The following ANKAR variants were observed in gnomAD, a reference collection of about 807,000 sequenced individuals.
ANKAR encodes ankyrin and armadillo repeat containing, also known as ankyrin and armadillo repeat-containing protein.
In ANKAR, 136 loss-of-function variants were observed where a neutral mutation model predicts 146.2. The observed-to-expected ratio is 0.93, with a 90% CI of 0.81 to 1.07. The LOEUF (loss-of-function observed/expected upper bound fraction) is 1.07. ANKAR is among the 50% of genes least tolerant of loss of function. ANKAR has a pLI of 0.00. For missense variants in ANKAR, 1,567 were observed against 1,679.9 expected, an observed-to-expected ratio of 0.93 and a Z score of 1.18; for synonymous variants, 500 against 575.8, an observed-to-expected ratio of 0.87 and a Z score of 1.88.
chr2:189,689,512 T>G lies in ANKAR; in HGVS notation c.602-15T>G. The stretch of plus-strand genomic sequence containing the variant: ...AAATTTTCACTATCTAAAATTTTCC[T>G]TTTTTATCATGAAGGTTTGACTGAT... On this transcript the variant is annotated splice_polypyrimidine_tract_variant and intron_variant, in intron 2 of 22. Transcript: ENST00000684021. The G allele has an allele frequency of 6.5e-7, 1 of 1,534,984 alleles. No homozygotes were observed.
intron 5 of ANKAR, among the ~76,000 whole-genome samples, chr2:189,694,502 GC>G (rs2036906154): frequency 6.6e-6 from 1 of 152,162 alleles, no homozygotes; most frequent in Admixed American, 6.5e-5. Context: ...GCTGTTTCAA[GC>G]CCCACCTATG....
At position 189,676,667 on chromosome 2, in the gene ANKAR, G is replaced by A. The variant is rs745780951; in HGVS notation, c.177G>A (p.Glu59=). The A allele has an allele frequency of 6.2e-7, 1 of 1,614,144 alleles. No homozygotes were observed. Among genetic ancestry groups the A allele is most frequent in the South Asian group, 1.1e-5 (1 of 91,082 alleles). Residue 59 remains glutamate (E), a synonymous_variant, in exon 2 of 23, where the codon GAG becomes GAA. Coordinates refer to ENST00000684021, the MANE Select transcript of ANKAR (RefSeq NM_001378068.1). The part of the protein sequence containing the change: ...TALVSWLSAK[E]DVRSQVDLPC... ...TAGTTAGCTGGTTGTCTGCCAAAGAGGATGTGCGCTCTCAAGTAGACCTCC... is the reference window on the plus strand; with the variant it reads ...TAGTTAGCTGGTTGTCTGCCAAAGAAGATGTGCGCTCTCAAGTAGACCTCC...
At chr2:189,741,166 CTG>C (rs1452164144) in intron 19 of ANKAR, among the ~76,000 whole-genome samples, 174 bp from the exon 20 acceptor site, 1 of 152,160 alleles carries the variant, frequency 6.6e-6, no homozygotes, top group African/African-American at 2.4e-5. Flanking sequence ...GAAAACCAAA[CTG>C]TAATTTTGGG....
chr2:189,741,215 C>T lies in ANKAR; in HGVS notation c.3701-127C>T, dbSNP rs1362306272. The T allele has an allele frequency of 9.6e-6, 5 of 520,980 alleles. No homozygotes were observed. In the Admixed American group the frequency reaches 1.5e-4, roughly 16 times the overall value. 32.3% of individuals were successfully genotyped at this position (520,980 alleles called of 1,614,324 possible). On this transcript the variant is annotated intron_variant, in intron 19 of 22. Transcript: ENST00000684021. ...ATATTTACATATGCATGCTTTTTCT[C>T]AGTGCTGCTTCATTGACAGAGATGT...
intron 3 of ANKAR, among the ~76,000 whole-genome samples, chr2:189,691,943 G>A (rs2036479035): frequency 6.6e-6 from 1 of 151,926 alleles, no homozygotes; most frequent in Non-Finnish European, 1.5e-5. Flanking sequence ...TGTGTTTTTA[G>A]TAGAGACGGG....
intron 16 of ANKAR, among the ~76,000 whole-genome samples, chr2:189,731,756 A>G (rs981986248): frequency 2.6e-5 from 4 of 152,074 alleles, no homozygotes; most frequent in Admixed American, 2.6e-4. Flanking sequence ...GCTAGAGTGC[A>G]GTAGTGCAAT....
intron 9 of ANKAR, 62 bp downstream of exon 9, chr2:189,707,208 C>A (rs2039058397): frequency 2.4e-6 from 2 of 849,826 alleles, no homozygotes; most frequent in Non-Finnish European, 3.3e-6. Flanking sequence ...TATTGATACT[C>A]TGAAAGAGAG....
At chr2:189,742,714 G>C (rs1235737168) in intron 20 of ANKAR, among the ~76,000 whole-genome samples, 1 of 151,904 alleles carries the variant, frequency 6.6e-6, no homozygotes, top group African/African-American at 2.4e-5. Context: ...AGTTTCTAGG[G>C]ATGGAACCCA....
intron 12 of ANKAR, among the ~76,000 whole-genome samples, chr2:189,722,084 C>T (rs576874572): frequency 2.8e-4 from 43 of 152,210 alleles, no homozygotes; most frequent in African/African-American, 9.6e-4. Flanking sequence ...GTGGCTCACA[C>T]CTATAATCCC....
intron 2 of ANKAR, 52 bp downstream of exon 2, chr2:189,677,143 G>A (rs1195876695): frequency 7.1e-7 from 1 of 1,409,794 alleles, no homozygotes; most frequent in Non-Finnish European, 9.2e-7. Flanking sequence ...TTGGAACAGA[G>A]TCTTACTACG....
chr2:189,707,417 A>C (rs967584416), intron 9 of ANKAR, among the ~76,000 whole-genome samples: 1 of 134,046 alleles, frequency 7.5e-6, no homozygotes, highest in Non-Finnish European at 1.5e-5. Context: ...TTATTTTCCA[A>C]CTTTCTCCAG....
rs139382412 is a variant in ANKAR, at chr2:189,727,868, C to A, written c.2648C>A (p.Ala883Asp). 23 of 1,613,666 alleles carry A rather than the reference C, an allele frequency of 1.4e-5. 1 individual carries two copies. In the South Asian group the frequency reaches 1.9e-4, roughly 13 times the overall value. The change falls in exon 13 of 23, where the codon GCT (alanine) becomes GAT (aspartate). Residue 883 changes from alanine to aspartate, a missense_variant. Physicochemically the swap from Ala to Asp is moderately radical, Grantham distance 126. Transcript: ENST00000684021. The stretch of plus-strand genomic sequence containing the variant: ...AATTCATTTGAAGATGTGTTGAAGG[C>A]TGTATCTTCTGCTGCAATTGCTGAG... ...FLSSDSDVLK[A>D]VSSAAIAEVG...
chr2:189,676,502 G>A lies in ANKAR; in HGVS notation c.12G>A (p.Leu4=). The change falls in exon 2 of 23, where the codon TTG becomes TTA. Residue 4 remains leucine (L), a synonymous_variant. Coordinates refer to ENST00000684021, the MANE Select transcript of ANKAR (RefSeq NM_001378068.1). ...AGATTTAATTAGAAATGTTAAGATTGCCCAAAAAAGGATTACCTAGATTTG... is the reference window on the plus strand; with the variant it reads ...AGATTTAATTAGAAATGTTAAGATTACCCAAAAAAGGATTACCTAGATTTG... MLR[L]PKKGLPRFEQ... 1 of 1,544,370 alleles carries A rather than the reference G, an allele frequency of 6.5e-7. No homozygotes were observed. The highest frequency in any genetic ancestry group is 8.7e-7 in the Non-Finnish European group (1 of 1,148,332).
chr2:189,723,724 C>G (rs988560274), intron 12 of ANKAR, among the ~76,000 whole-genome samples: 3 of 152,158 alleles, frequency 2.0e-5, no homozygotes, highest in African/African-American at 7.2e-5. Flanking sequence ...AGTTGGAGTT[C>G]CTTAAGCTTC....
At chr2:189,691,349 C>T (rs1364311719) in intron 3 of ANKAR, among the ~76,000 whole-genome samples, 1 of 152,152 alleles carries the variant, frequency 6.6e-6, no homozygotes, top group Non-Finnish European at 1.5e-5. Context: ...AGCCGCCGCG[C>T]CCGGGAGAGA....
chr2:189,738,678 G>T lies in ANKAR; in HGVS notation c.3696G>T (p.Leu1232Phe). The T allele has an allele frequency of 6.3e-7, 1 of 1,576,096 alleles. No individual in the cohort carries two copies. Among genetic ancestry groups the T allele is most frequent in the South Asian group, 1.2e-5 (1 of 86,854 alleles). Residue 1232 changes from leucine (L) to phenylalanine (F), a missense_variant, in exon 19 of 23, where the codon TTG (leucine) becomes TTT (phenylalanine). Leu to Phe is a conservative substitution (Grantham distance 22). Transcript: ENST00000684021. ...LYSVQTSTIVLTGNLIASLAH... is the reference protein window; with the variant it reads ...LYSVQTSTIVFTGNLIASLAH... ...CAGTTCAGACTTCTACTATTGTCTT[G>T]ACAGGTAAGAAATGACTAGAAGTTA...
At chr2:189,736,870 C>T (rs936121389) in intron 17 of ANKAR, among the ~76,000 whole-genome samples, 6 of 151,692 alleles carry the variant, frequency 4.0e-5, no homozygotes, top group African/African-American at 1.2e-4. Context: ...CTCAGGAGTT[C>T]AAGACCAGCC....
In ANKAR at chr2:189,695,506, A is replaced by C. The variant is rs2037071232; in HGVS notation, c.1488+345A>C. 1.3e-5 allele frequency among the ~76,000 whole-genome samples: 2 copies of C among 152,226 alleles called. 1 individual carries two copies. The highest frequency in any genetic ancestry group is 4.1e-4 in the South Asian group (2 of 4,824). Reference sequence around the variant, plus strand: ...TACAAATGAGAAATTTGAGGTGTAGAGAGGGATCTTTCACAAATCATATAG... The same window carrying C: ...TACAAATGAGAAATTTGAGGTGTAGCGAGGGATCTTTCACAAATCATATAG... On this transcript the variant is annotated intron_variant, in intron 6 of 22. Transcript: ENST00000684021.
At chr2:189,739,552 G>A (rs1320959252) in intron 19 of ANKAR, among the ~76,000 whole-genome samples, 1 of 151,706 alleles carries the variant, frequency 6.6e-6, no homozygotes, top group African/African-American at 2.4e-5. Context: ...CAACTGTAGT[G>A]GGTTTAGACT....
Sources: gnomAD v4.1 joint callset for allele counts (sites outside exome capture counted in the v4.1 genomes callset) on GRCh38, gnomAD v4.1.1 for gene constraint, MANE v1.5 for transcripts, NCBI Gene and HGNC (gene_info 2026-07-23, HGNC 2026-07-21) for gene names.